WDR64: variants seen among roughly 807,000 people sequenced by gnomAD.
The protein encoded by WDR64 is WD repeat domain 64, also known as WD repeat-containing protein 64.
Under a neutral mutation model 139.3 loss-of-function variants are expected in WDR64, and 112 were observed. The ratio of observed to expected loss-of-function variants is 0.80; its 90% CI spans 0.69 to 0.94. The LOEUF is 0.94. WDR64 is among the 40% of genes least tolerant of loss of function. WDR64 has a pLI of 0.00. For missense variants in WDR64, 1,206 were observed against 1,293.1 expected (o/e 0.93, Z 1.03); for synonymous variants, 444 against 437.7 (o/e 1.01, Z -0.18).
chr1:241,766,443 G>A (rs953287896), intron 16 of WDR64, 92 bp downstream of exon 16: 18 of 1,422,432 alleles, frequency 1.3e-5, no homozygotes, highest in Non-Finnish European at 1.6e-5. Flanking sequence ...GGGCGCGGTG[G>A]CTCAGGTCTG....
intron 8 of WDR64, among the ~76,000 whole-genome samples, chr1:241,707,958 C>T (rs1277009433): frequency 1.3e-5 from 2 of 152,184 alleles, no homozygotes; most frequent in African/African-American, 4.8e-5. Context: ...TCTAAGTCAA[C>T]TTTACCAGTC....
At chr1:241,688,938 C>T (rs745398715) in intron 8 of WDR64, among the ~76,000 whole-genome samples, 13 of 152,068 alleles carry the variant, frequency 8.5e-5, no homozygotes, top group African/African-American at 2.4e-4. Context: ...CATTTTGAAA[C>T]GTGCCAGAAC....
intron 2 of WDR64, among the ~76,000 whole-genome samples, chr1:241,669,422 GATCT>G (rs1442484369): frequency 6.6e-6 from 1 of 152,152 alleles, no homozygotes; most frequent in African/African-American, 2.4e-5. Flanking sequence ...CTCCAACATA[GATCT>G]ATTAATTTTC....
Position 241,746,035 on chromosome 1 carries a change from CCA to C in WDR64, c.1594+1522_1594+1523del, listed in dbSNP as rs375093589. 8.9e-4 allele frequency among the ~76,000 whole-genome samples: 135 copies of C among 152,260 alleles called. 2 individuals are homozygous for C. The highest frequency in any genetic ancestry group is 3.2e-3 in the African/African-American group (133 of 41,540). On this transcript the variant is annotated intron_variant, in intron 13 of 27. Coordinates refer to ENST00000437684, the MANE Select transcript of WDR64 (RefSeq NM_001367482.1). The stretch of plus-strand genomic sequence containing the variant: ...TTTGTGTGACTGTTTTCCTATAATG[CCA>C]CAGAGTCCTTGAGGGTAGGCACTAT...
At chr1:241,707,726 C>A (rs550989748) in intron 8 of WDR64, among the ~76,000 whole-genome samples, 62 of 152,190 alleles carry the variant, frequency 4.1e-4, no homozygotes, top group Non-Finnish European at 6.9e-4. Flanking sequence ...ACAAAGGCTG[C>A]ACAGTTGCCC....
chr1:241,679,393 G>T, intron 5 of WDR64, 92 bp from the exon 6 acceptor site: 1 of 1,098,094 alleles, frequency 9.1e-7, no homozygotes, highest in Non-Finnish European at 1.3e-6. Context: ...GCAAAATGGA[G>T]CTTTTAGTGT....
At chr1:241,714,654 C>G (rs1668331349) in intron 9 of WDR64, among the ~76,000 whole-genome samples, 1 of 152,028 alleles carries the variant, frequency 6.6e-6, no homozygotes, top group South Asian at 2.1e-4. Context: ...CAGCTCTGGG[C>G]CTTCTATAAC....
chr1:241,776,712 T>C (rs1400406604), intron 21 of WDR64, among the ~76,000 whole-genome samples: 3 of 152,238 alleles, frequency 2.0e-5, no homozygotes, highest in Non-Finnish European at 4.4e-5. Flanking sequence ...AATAGCCTGC[T>C]TATTCTTGCA....
chr1:241,662,484 C>T (rs1411552672), intron 2 of WDR64, among the ~76,000 whole-genome samples: 2 of 152,126 alleles, frequency 1.3e-5, no homozygotes, highest in African/African-American at 4.8e-5. Flanking sequence ...ACCGTGTGGC[C>T]CTCTATACTG....
chr1:241,681,591 C>T lies in WDR64; in HGVS notation c.625-1896C>T, dbSNP rs114567757. ...TTGTGCTGCTATAAACATGAGTGAG[C>T]GAGTAGCTTTTATATATAAGGAGTT... On this transcript the variant is annotated intron_variant, in intron 6 of 27. Coordinates refer to ENST00000437684, the MANE Select transcript of WDR64 (RefSeq NM_001367482.1). Among the ~76,000 whole-genome samples, 589 of 152,126 alleles carry T rather than the reference C, an allele frequency of 3.9e-3. 6 individuals carry two copies. Among genetic ancestry groups the T allele is most frequent in the African/African-American group, 0.013 (558 of 41,458 alleles).
chr1:241,712,501 A>G (rs1055708464), intron 9 of WDR64, among the ~76,000 whole-genome samples: 4 of 152,170 alleles, frequency 2.6e-5, no homozygotes, highest in Non-Finnish European at 4.4e-5. Flanking sequence ...CTCCTTATTT[A>G]TAATACTGGG....
chr1:241,652,872 A>G (rs1438272436), intron 1 of WDR64, among the ~76,000 whole-genome samples: 1 of 152,130 alleles, frequency 6.6e-6, no homozygotes, highest in Non-Finnish European at 1.5e-5. Flanking sequence ...AAGTTGCTTC[A>G]ATTGTAAAAC....
chr1:241,726,938 G>T (rs1181055038), intron 10 of WDR64, among the ~76,000 whole-genome samples: 5 of 151,804 alleles, frequency 3.3e-5, no homozygotes, highest in African/African-American at 1.2e-4. Flanking sequence ...CCAGGCTGGA[G>T]TGCAATGGCA....
chr1:241,775,182 T>C lies in WDR64; in HGVS notation c.2508T>C (p.Cys836=). The C allele has an allele frequency of 1.3e-6, 2 of 1,550,824 alleles. No individual in the cohort carries two copies. The highest frequency in any genetic ancestry group is 1.7e-6 in the Non-Finnish European group (2 of 1,146,800). ...ISLTSLYTDS[C]TRILLAGNVE... is the part of the protein sequence containing the mutation. ...TGACATCGCTGTATACTGATTCATG[T>C]ACGAGGATACTACTGGCTGGAAATG... Residue 836 remains cysteine, a synonymous_variant, in exon 21 of 28, where the codon TGT becomes TGC. Transcript: ENST00000437684.
At chr1:241,738,326 T>C (rs1426160060) in intron 10 of WDR64, 37 bp from the exon 11 acceptor site, 1 of 1,604,782 alleles carries the variant, frequency 6.2e-7, no homozygotes, top group East Asian at 2.2e-5. Context: ...GAAAGGTGAG[T>C]ATAAATAGTG....
intron 2 of WDR64, among the ~76,000 whole-genome samples, chr1:241,670,767 C>T (rs1305046684): frequency 6.6e-6 from 1 of 152,094 alleles, no homozygotes; most frequent in Non-Finnish European, 1.5e-5. Context: ...TGCAAGGGAT[C>T]TAGATTGCAT....
intron 1 of WDR64, among the ~76,000 whole-genome samples, chr1:241,655,681 A>G (rs528880493): frequency 6.4e-5 from 9 of 140,952 alleles, no homozygotes; most frequent in African/African-American, 2.4e-4. Flanking sequence ...TCATTCCCCA[A>G]TATGGAGTGC....
chr1:241,690,768 C>T (rs984163163), intron 8 of WDR64, among the ~76,000 whole-genome samples: 4 of 151,812 alleles, frequency 2.6e-5, no homozygotes, highest in South Asian at 2.1e-4. Context: ...AAAGAAAAGC[C>T]GTAAGTCAGA....
chr1:241,784,722 G>A (rs71648662), intron 23 of WDR64, among the ~76,000 whole-genome samples: 131 of 152,140 alleles, frequency 8.6e-4, no homozygotes, highest in African/African-American at 3.0e-3. Context: ...TTGGGAGGCC[G>A]AGGCGGGTGG....
Sources: gnomAD v4.1 joint callset for allele counts (sites outside exome capture counted in the v4.1 genomes callset) on GRCh38, gnomAD v4.1.1 for gene constraint, MANE v1.5 for transcripts, NCBI Gene and HGNC (gene_info 2026-07-23, HGNC 2026-07-21) for gene names.